QRICH2: variants seen among roughly 807,000 people sequenced by gnomAD.
The protein encoded by QRICH2 is glutamine-rich protein 2.
A neutral mutation model predicts 168.3 loss-of-function variants in QRICH2; 119 were observed. That is an observed-to-expected ratio of 0.71 (90% CI 0.61 to 0.82). The LOEUF (loss-of-function observed/expected upper bound fraction) is 0.82. QRICH2 is among the 40% of genes least tolerant of loss of function. The probability of loss-of-function intolerance (pLI) is 0.00; values close to 1 mark genes in which losing one functional copy is unlikely to be tolerated. For synonymous variants in QRICH2, 894 were observed against 951.2 expected (o/e 0.94, Z 1.11); for missense variants, 2,241 against 2,491.6 (o/e 0.90, Z 2.14).
At chr17:76,298,872 T>C (rs2070849983) in intron 3 of QRICH2, among the ~76,000 whole-genome samples, 1 of 152,182 alleles carries the variant, frequency 6.6e-6, no homozygotes, top group African/African-American at 2.4e-5. Flanking sequence ...TGCCTCGGCT[T>C]CCCAAAGTGC....
rs761413627 is a variant in QRICH2, at chr17:76,307,515, G to A, written c.484C>T (p.Arg162Trp). ...GCGTCCTTCATGATACTCCCAGTCC[G>A]CACCCTATCGAACGCCCGCACGCCC... ...EVGVRAFDRV[R>W]TGSIMKDAAE... Residue 162 changes from arginine (R) to tryptophan (W), a missense_variant, in exon 1 of 19, where the codon CGG (arginine) becomes TGG (tryptophan). Arg to Trp is a moderately radical substitution (Grantham distance 101, BLOSUM62 -3). This residue lies in a region of QRICH2 where 2,047 missense variants were observed against 2,303.8 expected (regional missense o/e 0.89). Transcript: ENST00000680821. The surrounding 1 kb of genome is among the most constrained non-coding windows in gnomAD (Gnocchi z 5.3). The A allele has an allele frequency of 5.2e-5, 84 of 1,612,600 alleles. 1 individual carries two copies. In the South Asian group the frequency reaches 8.1e-4, roughly 16 times the overall value.
Position 76,281,863 on chromosome 17 carries a change from C to G in QRICH2, c.4263+1G>C, listed in dbSNP as rs748078770. On this transcript the variant is annotated splice_donor_variant, in intron 8 of 18. Transcript: ENST00000680821. LOFTEE classifies it high-confidence loss of function. The surrounding 1 kb of genome is among the most constrained non-coding windows in gnomAD (Gnocchi z 4.4). ...CAGGAGGGAGGCGAGCAGAGCCCCACCTGTCTCTGGAGCTTGGCCTTCTTG... is the reference window on the plus strand; with the variant it reads ...CAGGAGGGAGGCGAGCAGAGCCCCAGCTGTCTCTGGAGCTTGGCCTTCTTG... 7 of 1,612,474 alleles carry G rather than the reference C, an allele frequency of 4.3e-6. No individual in the cohort carries two copies. The South Asian group carries it at 7.7e-5, about 18-fold the overall frequency.
At chr17:76,284,424 T>C (rs1428402214) in intron 7 of QRICH2, among the ~76,000 whole-genome samples, 10 of 142,802 alleles carry the variant, frequency 7.0e-5, no homozygotes. Context: ...GAGTGTAGCA[T>C]CCAGAACATG....
At position 76,277,624 on chromosome 17, in the gene QRICH2, A is replaced by G. The variant is rs192009501; in HGVS notation, c.5118-314T>C. ...TATGCACATACACACGAAGATGCAC[A>G]TACACACGAACATATACATACATAC... On this transcript the variant is annotated intron_variant, in intron 15 of 18. Transcript: ENST00000680821. 1.9e-4 allele frequency among the ~76,000 whole-genome samples: 29 copies of G among 152,036 alleles called. No individual in the cohort carries two copies. In the East Asian group the frequency reaches 5.6e-3, roughly 29 times the overall value.
At chr17:76,290,159 T>A in intron 4 of QRICH2, 82 bp from the exon 5 acceptor site, 1 of 991,346 alleles carries the variant, frequency 1.0e-6, no homozygotes, top group Non-Finnish European at 1.6e-6. Context: ...CCTGTAACAC[T>A]GAAGCTACCC....
In QRICH2 at chr17:76,293,446, C is replaced by T. The variant is rs781572298; in HGVS notation, c.1281G>A (p.Met427Ile). ...MGQLGVPPPEMDDRELIPFVV... is the reference protein window; with the variant it reads ...MGQLGVPPPEIDDRELIPFVV... ...CAAATGGTATCAATTCCCGATCATC[C>T]ATTTCAGGTGGTGGCACACCAAGCT... is the stretch of plus-strand genomic sequence containing the variant. The change falls in exon 4 of 19, where the codon ATG (methionine) becomes ATA (isoleucine). Residue 427 changes from methionine to isoleucine, a missense_variant. Met to Ile is a conservative substitution (Grantham distance 10). Transcript: ENST00000680821. 8.7e-6 allele frequency: 14 copies of T among 1,614,208 alleles called. No individual in the cohort carries two copies. The highest frequency in any genetic ancestry group is 1.6e-4 in the Middle Eastern group (1 of 6,062).
chr17:76,277,688 G>A (rs531518855), intron 15 of QRICH2, among the ~76,000 whole-genome samples: 20 of 150,762 alleles, frequency 1.3e-4, no homozygotes, highest in African/African-American at 4.6e-4. Context: ...TCATACACAC[G>A]TACTCATACA....
At chr17:76,287,920 G>A in intron 5 of QRICH2, 23 bp from the exon 6 acceptor site, 1 of 1,592,960 alleles carries the variant, frequency 6.3e-7, no homozygotes, top group Non-Finnish European at 8.6e-7. Context: ...TGAATGAGGA[G>A]GGTCAGGCAG....
chr17:76,276,909 GT>G, intron 16 of QRICH2, 142 bp from the exon 17 acceptor site: 1 of 735,202 alleles, frequency 1.4e-6, no homozygotes, highest in Non-Finnish European at 2.2e-6. Context: ...GAGCGAGAAG[GT>G]GGAGGGAGGT....
At chr17:76,277,449 C>T in intron 15 of QRICH2, 139 bp from the exon 16 acceptor site, 2 of 1,025,666 alleles carry the variant, frequency 1.9e-6, no homozygotes, top group Non-Finnish European at 2.9e-6. Flanking sequence ...CAGCAGGGGC[C>T]CAGAACAGGC....
intron 15 of QRICH2, among the ~76,000 whole-genome samples, chr17:76,277,666 A>G (rs1048382610): frequency 6.6e-6 from 1 of 152,002 alleles, no homozygotes; most frequent in Non-Finnish European, 1.5e-5. Flanking sequence ...ACATGCACAC[A>G]CACACACGTA....
chr17:76,297,280 G>T (rs542328007), intron 3 of QRICH2, among the ~76,000 whole-genome samples: 3 of 152,326 alleles, frequency 2.0e-5, no homozygotes, highest in Middle Eastern at 3.4e-3. Flanking sequence ...GCCAACGCGG[G>T]AGGATCACCT....
chr17:76,288,226 A>G (rs950302433), intron 5 of QRICH2, among the ~76,000 whole-genome samples: 4 of 151,868 alleles, frequency 2.6e-5, no homozygotes, highest in African/African-American at 7.3e-5. Context: ...CTACTAAAAA[A>G]TACAAAAATC....
At chr17:76,303,503 G>A (rs2070937998) in intron 3 of QRICH2, among the ~76,000 whole-genome samples, 1 of 152,194 alleles carries the variant, frequency 6.6e-6, no homozygotes, top group South Asian at 2.1e-4. Context: ...GATGAAAGTA[G>A]GTCGGGGATC....
chr17:76,301,265 A>G (rs1052751888), intron 3 of QRICH2, among the ~76,000 whole-genome samples: 1 of 150,942 alleles, frequency 6.6e-6, no homozygotes, highest in Non-Finnish European at 1.5e-5. Flanking sequence ...ATGAGCCAAA[A>G]TCTTGAACAA....
chr17:76,274,592 CT>C (rs1250770617), intron 18 of QRICH2, among the ~76,000 whole-genome samples: 1 of 152,226 alleles, frequency 6.6e-6, no homozygotes, highest in African/African-American at 2.4e-5. Flanking sequence ...TTTCCTGAGA[CT>C]ACCAGTCCCT....
chr17:76,308,031 G>A lies in QRICH2; in HGVS notation c.-33C>T, dbSNP rs1234864022. On this transcript the variant is annotated 5_prime_UTR_variant, in exon 1 of 19. Transcript: ENST00000680821. ...GTCAGGAGCTGTGCGCCGCCGCGGG[G>A]CGCCGGCCAACCACTTCCCGCTCAC... 3.7e-5 allele frequency: 45 copies of A among 1,231,508 alleles called. No homozygotes were observed. Among genetic ancestry groups the A allele is most frequent in the Non-Finnish European group, 4.4e-5 (43 of 987,632 alleles). The allele number at this position is 1,231,508 out of a possible 1,614,324, so 76.3% of individuals were successfully genotyped here.
chr17:76,287,984 C>T, intron 5 of QRICH2, 87 bp from the exon 6 acceptor site: 1 of 1,062,180 alleles, frequency 9.4e-7, no homozygotes, highest in Non-Finnish European at 1.5e-6. Flanking sequence ...TGCCAGCCCT[C>T]CCCGTTCCCT....
Position 76,279,149 on chromosome 17 carries a change from A to G in QRICH2, c.4815-7T>C. The G allele has an allele frequency of 6.2e-7, 1 of 1,605,816 alleles. No homozygotes were observed. The highest frequency in any genetic ancestry group is 8.5e-7 in the Non-Finnish European group (1 of 1,174,546). On this transcript the variant is annotated splice_region_variant and splice_polypyrimidine_tract_variant and intron_variant, in intron 13 of 18. Coordinates refer to ENST00000680821, the MANE Select transcript of QRICH2 (RefSeq NM_001388453.1). ...GGGGGTCACGGGGATGGCACTGGGC[A>G]GGGACAGAGGGAGAAGGGGCGGGTC...
Sources: allele counts gnomAD v4.1 joint callset (sites outside exome capture counted in the v4.1 genomes callset), GRCh38; gene constraint gnomAD v4.1.1; regional missense constraint gnomAD v4.1.1; non-coding constraint Gnocchi (gnomAD v3.1); transcripts MANE v1.5; gene names NCBI Gene and HGNC (gene_info 2026-07-23, HGNC 2026-07-21).